CDH12: variants seen among roughly 807,000 people sequenced by gnomAD.
CDH12 encodes cadherin-12.
A neutral mutation model predicts 74.1 loss-of-function variants in CDH12; 41 were observed. That is an observed-to-expected ratio of 0.55 (90% CI 0.43 to 0.72). CDH12 has a LOEUF of 0.72. Among genes scored for constraint, CDH12 ranks in the 30% least tolerant of loss-of-function variants. The pLI, the probability that CDH12 is intolerant of heterozygous loss-of-function variation, is 0.00. For missense variants in CDH12, 945 were observed against 977.2 expected, an observed-to-expected ratio of 0.97 and a Z score of 0.44; for synonymous variants, 399 against 355.0, an observed-to-expected ratio of 1.12 and a Z score of -1.39.
chr5:22,271,326 C>T (rs987947609), intron 3 of CDH12, among the ~76,000 whole-genome samples: 4 of 152,142 alleles, frequency 2.6e-5, no homozygotes, highest in African/African-American at 4.8e-5. Flanking sequence ...CACAAGATTG[C>T]AGCAATTCAG....
At chr5:22,737,648 AAGAC>A (rs1427256832) in intron 1 of CDH12, among the ~76,000 whole-genome samples, 2 of 152,050 alleles carry the variant, frequency 1.3e-5, no homozygotes, top group Non-Finnish European at 1.5e-5. Context: ...AAAAACATCT[AAGAC>A]AGAATCGACA....
chr5:21,872,396 T>C (rs1751671103), intron 6 of CDH12, among the ~76,000 whole-genome samples: 1 of 152,188 alleles, frequency 6.6e-6, no homozygotes, highest in African/African-American at 2.4e-5. Flanking sequence ...AAGAATTCTA[T>C]AGTACCATAA....
chr5:22,566,878 A>C (rs1739312822), intron 1 of CDH12, among the ~76,000 whole-genome samples: 1 of 152,208 alleles, frequency 6.6e-6, no homozygotes, highest in Non-Finnish European at 1.5e-5. Context: ...ATTCAAATGC[A>C]TAACATTCAA....
chr5:21,943,383 A>T (rs1160249007), intron 6 of CDH12, among the ~76,000 whole-genome samples: 1 of 152,210 alleles, frequency 6.6e-6, no homozygotes, highest in Non-Finnish European at 1.5e-5. Flanking sequence ...TATGCAACCA[A>T]TTACATACAT....
rs1348295767 is a variant in CDH12, at chr5:21,816,949, T to C, written c.998A>G (p.Lys333Arg). ...EDTQEGVIKL[K>R]KPLDFETKKA... ...TCCCAACATTTGTCTATATACCTTT[T>C]TCAATTTGATGACTCCCTCTTGTGT... The change falls in exon 9 of 15, where the codon AAA (lysine) becomes AGA (arginine). Residue 333 changes from lysine to arginine, a missense_variant. Physicochemically the swap from Lys to Arg is conservative, Grantham distance 26. Transcript: ENST00000382254. 1 of 1,600,644 alleles carries C rather than the reference T, an allele frequency of 6.2e-7. No individual in the cohort carries two copies. The highest frequency in any genetic ancestry group is 8.5e-7 in the Non-Finnish European group (1 of 1,172,318).
chr5:22,236,591 C>CA (rs1444410810), intron 3 of CDH12, among the ~76,000 whole-genome samples: 9 of 151,832 alleles, frequency 5.9e-5, no homozygotes, highest in Non-Finnish European at 1.3e-4. Flanking sequence ...AAAACACACA[C>CA]AAAAAATTAG....
chr5:22,333,920 G>C (rs920906317), intron 3 of CDH12, among the ~76,000 whole-genome samples: 1 of 152,102 alleles, frequency 6.6e-6, no homozygotes, highest in Non-Finnish European at 1.5e-5. Flanking sequence ...AAGAATTAAA[G>C]TTCAACATCC....
At chr5:22,400,205 G>A (rs1341181619) in intron 3 of CDH12, among the ~76,000 whole-genome samples, 1 of 151,934 alleles carries the variant, frequency 6.6e-6, no homozygotes, top group Non-Finnish European at 1.5e-5. Context: ...AATAAGCCTG[G>A]TATTCTTTTG....
At chr5:22,250,895 T>C (rs141835188) in intron 3 of CDH12, among the ~76,000 whole-genome samples, 75 of 152,220 alleles carry the variant, frequency 4.9e-4, no homozygotes, top group Admixed American at 1.4e-3. Context: ...AAAAGTCCAG[T>C]AGAAATGTAT....
intron 9 of CDH12, among the ~76,000 whole-genome samples, chr5:21,809,063 C>T (rs6865643): frequency 0.96 from 146,719 of 152,074 alleles, 70,792 homozygotes; most frequent in East Asian, 1. Context: ...ATATAACTTA[C>T]CTTAAAAATA....
chr5:22,624,297 C>CA (rs1738152511), intron 1 of CDH12, among the ~76,000 whole-genome samples: 1 of 152,038 alleles, frequency 6.6e-6, no homozygotes. Context: ...TAACGAAAGC[C>CA]AAAATTGACA....
Position 22,117,533 on chromosome 5 carries a change from T to TA in CDH12, c.-186-38672dup, listed in dbSNP as rs1379584317. Among the ~76,000 whole-genome samples, 10 of 110,674 alleles carry TA rather than the reference T, an allele frequency of 9.0e-5. No individual in the cohort carries two copies. In the South Asian group the frequency reaches 1.0e-3, roughly 11 times the overall value. 72.6% of individuals were successfully genotyped at this position (110,674 alleles called of 152,430 possible). A position where few individuals can be genotyped will look rare whatever the true frequency, so the allele number is the denominator to read the frequency against. On this transcript the variant is annotated intron_variant, in intron 4 of 14. Transcript: ENST00000382254. Reference sequence around the variant, plus strand: ...ATATAATATATATATAATATATATATATATATATAGTGTGTGCGTGTGTGT... The same window carrying TA: ...ATATAATATATATATAATATATATATAATATATATAGTGTGTGCGTGTGTGT...
intron 2 of CDH12, among the ~76,000 whole-genome samples, chr5:22,425,156 T>TATATATATATAA (rs776055472): frequency 2.2e-4 from 28 of 126,266 alleles, no homozygotes; most frequent in Non-Finnish European, 3.5e-4. Flanking sequence ...TGTGTGTGTA[T>TATATATATATAA]ATATATATAT....
chr5:22,532,016 T>G (rs1737606655), intron 1 of CDH12, among the ~76,000 whole-genome samples: 1 of 152,032 alleles, frequency 6.6e-6, no homozygotes, highest in Admixed American at 6.6e-5. Context: ...TCTCAAATCC[T>G]GTAAAGTTAG....
intron 1 of CDH12, among the ~76,000 whole-genome samples, chr5:22,712,646 T>C (rs750702400): frequency 8.5e-5 from 13 of 152,182 alleles, no homozygotes; most frequent in African/African-American, 1.2e-4. Context: ...GCTTAACTTA[T>C]ATTTATTATT....
chr5:22,321,811 T>G (rs1333862886), intron 3 of CDH12, among the ~76,000 whole-genome samples: 1 of 152,070 alleles, frequency 6.6e-6, no homozygotes, highest in African/African-American at 2.4e-5. Context: ...AACTCCAGAA[T>G]AGCAAGCAGC....
intron 1 of CDH12, among the ~76,000 whole-genome samples, chr5:22,716,448 T>C (rs1743582455): frequency 6.6e-6 from 1 of 152,104 alleles, no homozygotes; most frequent in African/African-American, 2.4e-5. Context: ...GTGAGGATGC[T>C]GGTGTGAACA....
intron 1 of CDH12, among the ~76,000 whole-genome samples, chr5:22,740,086 T>A (rs1744942899): frequency 6.6e-6 from 1 of 152,146 alleles, no homozygotes; most frequent in South Asian, 2.1e-4. Flanking sequence ...AGTTCTTACA[T>A]AATTGAATTT....
chr5:22,542,449 G>A (rs271109), intron 1 of CDH12, among the ~76,000 whole-genome samples: 24,668 of 152,122 alleles, frequency 0.16, 2,070 homozygotes, highest in Middle Eastern at 0.23. Context: ...TTAGTGCACT[G>A]TAAACCAATT....
Sources: gnomAD v4.1 joint callset for allele counts (sites outside exome capture counted in the v4.1 genomes callset) on GRCh38, gnomAD v4.1.1 for gene constraint, MANE v1.5 for transcripts, NCBI Gene and HGNC (gene_info 2026-07-23, HGNC 2026-07-21) for gene names.